CACNA1B: variants seen among roughly 807,000 people sequenced by gnomAD.
CACNA1B encodes the protein calcium voltage-gated channel subunit alpha1 B.
Under a neutral mutation model 247.2 loss-of-function variants are expected in CACNA1B, and 70 were observed. The observed-to-expected ratio is 0.28, with a 90% CI of 0.23 to 0.35. The LOEUF is 0.35. Among genes scored for constraint, CACNA1B ranks in the 10% least tolerant of loss-of-function variants. The pLI is 1.00. For synonymous variants in CACNA1B, 1,231 were observed against 1,294.4 expected (o/e 0.95, Z 1.05); for missense variants, 2,367 against 3,197.4 (o/e 0.74, Z 6.26).
intron 18 of CACNA1B, among the ~76,000 whole-genome samples, chr9:138,015,436 G>T (rs550389272): frequency 6.8e-6 from 1 of 146,820 alleles, no homozygotes; most frequent in Non-Finnish European, 1.5e-5. Context: ...GCTGAAAGCT[G>T]TCTGTCATCT....
intron 34 of CACNA1B, among the ~76,000 whole-genome samples, chr9:138,074,785 A>T (rs966877387): frequency 8.5e-5 from 13 of 152,220 alleles, no homozygotes; most frequent in Admixed American, 1.3e-4. Flanking sequence ...GCGTTGGAGC[A>T]CAGCTGTGTT....
At position 137,902,052 on chromosome 9, in the gene CACNA1B, T is replaced by A. The variant is rs2133260206; in HGVS notation, c.531-11128T>A. On this transcript the variant is annotated intron_variant, in intron 3 of 46. Transcript: ENST00000371372. Reference sequence around the variant, plus strand: ...GGATATATTTTCTTGTTATATCCAGTGTTTTATATCCAGCTCTTGTTAATT... The same window carrying A: ...GGATATATTTTCTTGTTATATCCAGAGTTTTATATCCAGCTCTTGTTAATT... Among the ~76,000 whole-genome samples the A allele has an allele frequency of 1.3e-5, 2 of 152,344 alleles. 1 individual carries two copies. Among genetic ancestry groups the A allele is most frequent in the South Asian group, 4.1e-4 (2 of 4,828 alleles).
At position 138,073,687 on chromosome 9, in the gene CACNA1B, T is replaced by C; in HGVS notation, c.4791+83T>C. 1.2e-6 allele frequency: 1 copy of C among 828,512 alleles called. No homozygotes were observed. The highest frequency in any genetic ancestry group is 2.1e-6 in the Non-Finnish European group (1 of 476,460). 51.3% of individuals were successfully genotyped at this position (828,512 alleles called of 1,614,324 possible). A position where few individuals can be genotyped will look rare whatever the true frequency, so the allele number is the denominator to read the frequency against. On this transcript the variant is annotated intron_variant, in intron 33 of 46. Coordinates refer to ENST00000371372, the MANE Select transcript of CACNA1B (RefSeq NM_000718.4). This position sits in a 1 kb window ranked among gnomAD's most constrained non-coding sequence, Gnocchi z 6.4. Reference sequence around the variant, plus strand: ...TGCCCCCACCACAGTGGCCCCTCCTTTGGGAGGCTGGGAGAGGGTATGGCA... The same window carrying C: ...TGCCCCCACCACAGTGGCCCCTCCTCTGGGAGGCTGGGAGAGGGTATGGCA...
At position 137,971,687 on chromosome 9, in the gene CACNA1B, A is replaced by T; in HGVS notation, c.1543+95A>T. On this transcript the variant is annotated intron_variant, in intron 11 of 46. Coordinates refer to ENST00000371372, the MANE Select transcript of CACNA1B (RefSeq NM_000718.4). The surrounding 1 kb of genome is among the most constrained non-coding windows in gnomAD (Gnocchi z 4.4). ...ATGCCCTGGGGCTACCCCAGGTGGG[A>T]CGGGACCCACCCCCATGTTGCTCAA... The T allele has an allele frequency of 9.8e-7, 1 of 1,016,828 alleles. No homozygotes were observed. Among genetic ancestry groups the T allele is most frequent in the Non-Finnish European group, 1.5e-6 (1 of 678,880 alleles). 63.0% of individuals were successfully genotyped at this position (1,016,828 alleles called of 1,614,324 possible).
At chr9:138,026,186 G>A (rs748665544) in intron 20 of CACNA1B, among the ~76,000 whole-genome samples, 3 of 152,312 alleles carry the variant, frequency 2.0e-5, no homozygotes, top group Admixed American at 6.5e-5. Flanking sequence ...GTGGACTGGC[G>A]CACAATTCCA....
At chr9:138,083,004 G>C (rs1462824535) in intron 36 of CACNA1B, among the ~76,000 whole-genome samples, 1 of 150,778 alleles carries the variant, frequency 6.6e-6, no homozygotes, top group African/African-American at 2.5e-5. Context: ...TAAGCAAGAG[G>C]ATCCCAGCAG....
chr9:137,962,549 G>A (rs1958032295), intron 10 of CACNA1B, among the ~76,000 whole-genome samples: 1 of 151,910 alleles, frequency 6.6e-6, no homozygotes, highest in Admixed American at 6.6e-5. Flanking sequence ...TCTTAACACT[G>A]CTTTAACTGT....
chr9:138,047,343 C>T, intron 22 of CACNA1B, 56 bp from the exon 23 acceptor site: 1 of 1,345,180 alleles, frequency 7.4e-7, no homozygotes. Context: ...CCACCGAGGG[C>T]ACCCTGGCTC....
At position 137,971,688 on chromosome 9, in the gene CACNA1B, C is replaced by CCTG; in HGVS notation, c.1543+96_1543+97insCTG. ...TGCCCTGGGGCTACCCCAGGTGGGA[C>CCTG]GGGACCCACCCCCATGTTGCTCAAA... On this transcript the variant is annotated intron_variant, in intron 11 of 46. Transcript: ENST00000371372. This position sits in a 1 kb window ranked among gnomAD's most constrained non-coding sequence, Gnocchi z 4.4. The CCTG allele has an allele frequency of 2.0e-6, 2 of 1,010,690 alleles. No individual in the cohort carries two copies. The highest frequency in any genetic ancestry group is 1.5e-6 in the Non-Finnish European group (1 of 674,272). 62.6% of individuals were successfully genotyped at this position (1,010,690 alleles called of 1,614,324 possible).
chr9:137,905,907 C>A (rs1957293965), intron 3 of CACNA1B, among the ~76,000 whole-genome samples: 1 of 152,342 alleles, frequency 6.6e-6, no homozygotes, highest in South Asian at 2.1e-4. Context: ...CGGACCTGCC[C>A]TTGTGCCCTC....
chr9:138,113,927 T>C (rs1248482193), intron 40 of CACNA1B, among the ~76,000 whole-genome samples: 1 of 129,498 alleles, frequency 7.7e-6, no homozygotes, highest in Non-Finnish European at 1.6e-5. Flanking sequence ...CCCAACTCCA[T>C]CTTGTGGGAG....
chr9:138,117,303 G>A (rs73577510), intron 42 of CACNA1B, among the ~76,000 whole-genome samples: 4,117 of 151,702 alleles, frequency 0.027, 193 homozygotes, highest in African/African-American at 0.094. Context: ...GGTCAGAGAA[G>A]TAAGGAGGAG....
At chr9:137,904,785 C>T (rs529301005) in intron 3 of CACNA1B, among the ~76,000 whole-genome samples, 20 of 152,256 alleles carry the variant, frequency 1.3e-4, no homozygotes, top group African/African-American at 4.6e-4. Context: ...AGTTTTATCA[C>T]TGTCTGCCAT....
chr9:138,086,193 G>C (rs192881012), intron 36 of CACNA1B, among the ~76,000 whole-genome samples: 1 of 151,256 alleles, frequency 6.6e-6, no homozygotes, highest in Non-Finnish European at 1.5e-5. Context: ...TAAACTGGCT[G>C]AATAGATTTT....
chr9:138,120,100 C>A, intron 44 of CACNA1B, 65 bp from the exon 45 acceptor site: 1 of 1,376,872 alleles, frequency 7.3e-7, no homozygotes, highest in Non-Finnish European at 1.0e-6. Context: ...CCACCCACTT[C>A]CATGCCTGCA....
rs771340673 is a variant in CACNA1B, at chr9:138,120,863, G to A, written c.6471G>A (p.Glu2157=). 10 of 1,571,950 alleles carry A rather than the reference G, an allele frequency of 6.4e-6. No homozygotes were observed. The highest frequency in any genetic ancestry group is 8.6e-6 in the Non-Finnish European group (10 of 1,159,172). Residue 2157 remains glutamate, a synonymous_variant, in exon 46 of 47, where the codon GAG becomes GAA. Transcript: ENST00000371372. ...SHPTSPTAGQ[E]PGPHPQGSGS... ...CAACGTCGCCAACAGCTGGCCAGGA[G>A]CCGGGACCCCACCCACAGGTAAGAG...
Position 138,051,087 on chromosome 9 carries a change from A to C in CACNA1B, c.3711-1005A>C, listed in dbSNP as rs1371849773. ...TTCCATGTGTGAGTGAATCCCACTC[A>C]GTCCTGAGTCCTCAGCTCCCACCCT... is the stretch of plus-strand genomic sequence containing the variant. On this transcript the variant is annotated intron_variant, in intron 24 of 46. Coordinates refer to ENST00000371372, the MANE Select transcript of CACNA1B (RefSeq NM_000718.4). This position sits in a 1 kb window ranked among gnomAD's most constrained non-coding sequence, Gnocchi z 4.3. Among the ~76,000 whole-genome samples the C allele has an allele frequency of 6.6e-6, 1 of 152,130 alleles. No individual in the cohort carries two copies. Among genetic ancestry groups the C allele is most frequent in the Non-Finnish European group, 1.5e-5 (1 of 68,022 alleles).
chr9:137,882,722 C>T lies in CACNA1B; in HGVS notation c.391-22C>T. The T allele has an allele frequency of 6.2e-7, 1 of 1,613,764 alleles. No individual in the cohort carries two copies. Among genetic ancestry groups the T allele is most frequent in the Non-Finnish European group, 8.5e-7 (1 of 1,179,732 alleles). ...ACACCGGGTAGGGGCCAGGGGTGACCACTGTTCTGCGCTTCTCCTAGGACG... is the reference window on the plus strand; with the variant it reads ...ACACCGGGTAGGGGCCAGGGGTGACTACTGTTCTGCGCTTCTCCTAGGACG... On this transcript the variant is annotated intron_variant, in intron 2 of 46. Transcript: ENST00000371372. The surrounding 1 kb of genome is among the most constrained non-coding windows in gnomAD (Gnocchi z 4.0).
chr9:137,959,149 T>G lies in CACNA1B; in HGVS notation c.1333+1462T>G, dbSNP rs571757008. On this transcript the variant is annotated intron_variant, in intron 10 of 46. Transcript: ENST00000371372. ...GTGCAATGGTGCAATCTCGGCTCAC[T>G]GCAACCTCTGTCTCCCAGGTTCTAG... Among the ~76,000 whole-genome samples the G allele has an allele frequency of 7.2e-5, 11 of 152,344 alleles. No individual in the cohort carries two copies. The South Asian group carries it at 2.3e-3, about 32-fold the overall frequency.
Sources: gnomAD v4.1 joint callset for allele counts (sites outside exome capture counted in the v4.1 genomes callset) on GRCh38, gnomAD v4.1.1 for gene constraint, Gnocchi (gnomAD v3.1) non-coding constraint, MANE v1.5 for transcripts, NCBI Gene and HGNC (gene_info 2026-07-23, HGNC 2026-07-21) for gene names.